The following CHAMP1 variants were observed in gnomAD, a reference collection of about 807,000 sequenced individuals.
The protein encoded by CHAMP1 is chromosome alignment maintaining phosphoprotein 1.
A neutral mutation model predicts 54.5 loss-of-function variants in CHAMP1; 4 were observed. The ratio of observed to expected loss-of-function variants is 0.07; its 90% CI spans 0.04 to 0.17. The LOEUF (loss-of-function observed/expected upper bound fraction) is 0.17. CHAMP1 is among the 10% of genes least tolerant of loss of function. The pLI, the probability that CHAMP1 is intolerant of heterozygous loss-of-function variation, is 1.00. For missense variants in CHAMP1, 994 were observed against 968.6 expected (o/e 1.03, Z -0.35); for synonymous variants, 368 against 342.2 (o/e 1.08, Z -0.83).
At chr13:114,315,537 G>A (rs998393134) in intron 1 of CHAMP1, among the ~76,000 whole-genome samples, 2 of 152,196 alleles carry the variant, frequency 1.3e-5, no homozygotes, top group Non-Finnish European at 2.9e-5. Flanking sequence ...AGAAAGGAAT[G>A]AAATTCTGAT....
In CHAMP1 at chr13:114,324,618, C is replaced by T; in HGVS notation, c.776C>T (p.Pro259Leu). The T allele has an allele frequency of 6.2e-7, 1 of 1,614,112 alleles. No individual in the cohort carries two copies. The highest frequency in any genetic ancestry group is 8.5e-7 in the Non-Finnish European group (1 of 1,180,028). Residue 259 changes from proline to leucine, a missense_variant, in exon 3 of 3, where the codon CCA (proline) becomes CTA (leucine). By Grantham distance (98) the Pro-to-Leu change is moderately conservative. This residue lies in a region of CHAMP1 where 851 missense variants were observed against 701.3 expected (regional missense o/e 1.21). Transcript: ENST00000361283. The part of the protein sequence containing the change: ...VLAASPEPWG[P>L]SPAASPESRK... ...GCTGCTTCCCCAGAACCTTGGGGACCATCCCCAGCTGCATCTCCAGAATCT... is the reference window on the plus strand; with the variant it reads ...GCTGCTTCCCCAGAACCTTGGGGACTATCCCCAGCTGCATCTCCAGAATCT...
chr13:114,320,274 AT>A (rs1306734670), intron 1 of CHAMP1, among the ~76,000 whole-genome samples: 2 of 152,136 alleles, frequency 1.3e-5, no homozygotes, highest in Non-Finnish European at 2.9e-5. Flanking sequence ...TTTGAAATGC[AT>A]GCAGGAAGAG....
At position 114,326,104 on chromosome 13, in the gene CHAMP1, A is replaced by T. The variant is rs2087247323; in HGVS notation, c.2262A>T (p.Lys754Asn). ...GKAFLLESLL[K>N]NHVAAHGQSL... ...CTTTTCTTTTGGAATCTCTCCTTAA[A>T]AATCATGTAGCAGCCCATGGGCAAA... The change falls in exon 3 of 3, where the codon AAA (lysine) becomes AAT (asparagine). Residue 754 changes from lysine (K) to asparagine (N), a missense_variant. Lys to Asn is a moderately conservative substitution (Grantham distance 94). Transcript: ENST00000361283. 6.2e-7 allele frequency: 1 copy of T among 1,612,582 alleles called. No homozygotes were observed. The highest frequency in any genetic ancestry group is 8.5e-7 in the Non-Finnish European group (1 of 1,179,296).
intron 1 of CHAMP1, among the ~76,000 whole-genome samples, chr13:114,315,778 G>T (rs2087089686): frequency 6.6e-6 from 1 of 151,320 alleles, no homozygotes; most frequent in Non-Finnish European, 1.5e-5. Flanking sequence ...TTTGCACAAC[G>T]TTTTAGTACT....
At chr13:114,319,635 A>G (rs753051212) in intron 1 of CHAMP1, among the ~76,000 whole-genome samples, 5 of 152,218 alleles carry the variant, frequency 3.3e-5, no homozygotes, top group Non-Finnish European at 7.3e-5. Context: ...AAACATTTAT[A>G]TGGAGGGCAG....
At position 114,326,308 on chromosome 13, in the gene CHAMP1, A is replaced by C; in HGVS notation, c.*27A>C. The C allele has an allele frequency of 6.5e-7, 1 of 1,536,874 alleles. No individual in the cohort carries two copies. Among genetic ancestry groups the C allele is most frequent in the Non-Finnish European group, 8.7e-7 (1 of 1,146,308 alleles). ...AACACAGTGTGAATATTTGTTCTAC[A>C]AAGGTGTTTGTTGGAACCATTCTTT... On this transcript the variant is annotated 3_prime_UTR_variant, in exon 3 of 3. Coordinates refer to ENST00000361283, the MANE Select transcript of CHAMP1 (RefSeq NM_032436.4).
chr13:114,317,498 C>G (rs987515301), intron 1 of CHAMP1, among the ~76,000 whole-genome samples: 1 of 151,990 alleles, frequency 6.6e-6, no homozygotes, highest in East Asian at 1.9e-4. Context: ...GTGGCAGGTA[C>G]CTATGGTCCC....
At chr13:114,318,523 C>T (rs1335948199) in intron 1 of CHAMP1, among the ~76,000 whole-genome samples, 6 of 151,954 alleles carry the variant, frequency 3.9e-5, no homozygotes, top group South Asian at 2.1e-4. Context: ...GGGGTTTCGC[C>T]GTGTTGCCCA....
In CHAMP1 at chr13:114,325,987, C is replaced by T; in HGVS notation, c.2145C>T (p.Cys715=). The change falls in exon 3 of 3, where the codon TGC becomes TGT. Residue 715 remains cysteine (C), a synonymous_variant. Transcript: ENST00000361283. ...GKGKYYCKIC[C]CRAMKKGAVL... is the part of the protein sequence containing the mutation. Reference sequence around the variant, plus strand: ...GAAAGTATTATTGCAAAATTTGTTGCTGTCGTGCTATGAAAAAAGGTGCTG... The same window carrying T: ...GAAAGTATTATTGCAAAATTTGTTGTTGTCGTGCTATGAAAAAAGGTGCTG... 6.2e-7 allele frequency: 1 copy of T among 1,614,150 alleles called. No individual in the cohort carries two copies. The highest frequency in any genetic ancestry group is 8.5e-7 in the Non-Finnish European group (1 of 1,180,030).
chr13:114,325,734 TTAGTAG>T lies in CHAMP1; in HGVS notation c.1897_1902del (p.Ser633_Ser634del). ...AACCAAGAGAGCTCAGACGCTGAGCTTAGTAGTAGTGAGTACATAAAAACAGATTTG... is the reference window on the plus strand; with the variant it reads ...AACCAAGAGAGCTCAGACGCTGAGCTTAGTGAGTACATAAAAACAGATTTG... On this transcript the variant is annotated inframe_deletion, in exon 3 of 3. Coordinates refer to ENST00000361283, the MANE Select transcript of CHAMP1 (RefSeq NM_032436.4). 6.2e-7 allele frequency: 1 copy of T among 1,614,162 alleles called. No individual in the cohort carries two copies. The highest frequency in any genetic ancestry group is 8.5e-7 in the Non-Finnish European group (1 of 1,180,038).
At chr13:114,315,056 A>G (rs2087078030) in intron 1 of CHAMP1, among the ~76,000 whole-genome samples, 1 of 152,252 alleles carries the variant, frequency 6.6e-6, no homozygotes. Flanking sequence ...TAATGTCTAG[A>G]ATACAAGAAG....
rs781883119 is a variant in CHAMP1, at chr13:114,324,078, A to T, written c.236A>T (p.Tyr79Phe). Residue 79 changes from tyrosine to phenylalanine, a missense_variant, in exon 3 of 3, where the codon TAT becomes TTT. Transcript: ENST00000361283. ...FTSKMYSNVY[Y>F]HITSKHASPD... ...AGCAAGATGTACTCTAATGTATACT[A>T]TCACATCACATCCAAACATGCATCC... The T allele has an allele frequency of 1.2e-6, 2 of 1,614,238 alleles. No homozygotes were observed. Among genetic ancestry groups the T allele is most frequent in the Non-Finnish European group, 1.7e-6 (2 of 1,180,046 alleles).
In CHAMP1 at chr13:114,324,437, C is replaced by G. The variant is rs957871537; in HGVS notation, c.595C>G (p.Leu199Val). 5.6e-6 allele frequency: 9 copies of G among 1,614,074 alleles called. No homozygotes were observed. Among genetic ancestry groups the G allele is most frequent in the Non-Finnish European group, 7.6e-6 (9 of 1,180,042 alleles). ...AGTCCCTGTTTGTGAGTCTCAGAAACTTGCCCCTGTTCCTTCTCCAGAACC... is the reference window on the plus strand; with the variant it reads ...AGTCCCTGTTTGTGAGTCTCAGAAAGTTGCCCCTGTTCCTTCTCCAGAACC... ...KSVPVCESQKLAPVPSPEPQK... is the reference protein window; with the variant it reads ...KSVPVCESQKVAPVPSPEPQK... Residue 199 changes from leucine (L) to valine (V), a missense_variant, in exon 3 of 3, where the codon CTT becomes GTT. Leu to Val is a conservative substitution (Grantham distance 32). Coordinates refer to ENST00000361283, the MANE Select transcript of CHAMP1 (RefSeq NM_032436.4).
intron 1 of CHAMP1, among the ~76,000 whole-genome samples, chr13:114,318,857 C>CTTTTTTTTTTTTT (rs56669844): frequency 3.3e-4 from 8 of 24,192 alleles, no homozygotes; most frequent in South Asian, 1.6e-3. Context: ...TCCTGGTTGC[C>CTTTTTTTTTTTTT]TTTTTTTTTT....
rs1131691845 is a variant in CHAMP1 at position 114,324,245 on chromosome 13, C to G, written c.403C>G (p.Gln135Glu). 1 of 1,614,168 alleles carries G rather than the reference C, an allele frequency of 6.2e-7. No individual in the cohort carries two copies. The highest frequency in any genetic ancestry group is 8.5e-7 in the Non-Finnish European group (1 of 1,180,036). Reference sequence around the variant, plus strand: ...CATACCTGCCCTTTCAATGGAAACACAGAAACTTGGTTCAGTTTTGTCTCC... The same window carrying G: ...CATACCTGCCCTTTCAATGGAAACAGAGAAACTTGGTTCAGTTTTGTCTCC... ...KSIPALSMETQKLGSVLSPES... is the reference protein window; with the variant it reads ...KSIPALSMETEKLGSVLSPES... The change falls in exon 3 of 3, where the codon CAG becomes GAG. Residue 135 changes from glutamine to glutamate, a missense_variant. This residue lies in a region of CHAMP1 where 851 missense variants were observed against 701.3 expected (regional missense o/e 1.21). Transcript: ENST00000361283.
intron 1 of CHAMP1, among the ~76,000 whole-genome samples, chr13:114,320,846 C>G (rs1305191480): frequency 2.0e-5 from 3 of 151,956 alleles, no homozygotes; most frequent in African/African-American, 7.3e-5. Flanking sequence ...GTCCCAGCTA[C>G]TCAGGAGGCT....
At position 114,325,064 on chromosome 13, in the gene CHAMP1, C is replaced by A; in HGVS notation, c.1222C>A (p.His408Asn). ...RKTAPTLSPE[H>N]WKAVPPVSPE... ...GACAGCTCCCACGTTGTCTCCTGAA[C>A]ATTGGAAGGCAGTTCCCCCAGTGTC... The change falls in exon 3 of 3, where the codon CAT (histidine) becomes AAT (asparagine). Residue 408 changes from histidine (H) to asparagine (N), a missense_variant. Around this residue, in one of 3 missense-constraint regions of CHAMP1, gnomAD observed 851 missense variants for 701.3 expected, o/e 1.21. Transcript: ENST00000361283. The A allele has an allele frequency of 6.2e-7, 1 of 1,614,166 alleles. No homozygotes were observed. The highest frequency in any genetic ancestry group is 8.5e-7 in the Non-Finnish European group (1 of 1,180,038).
At chr13:114,316,589 CA>C (rs200610532) in intron 1 of CHAMP1, among the ~76,000 whole-genome samples, 7 of 148,806 alleles carry the variant, frequency 4.7e-5, no homozygotes, top group African/African-American at 1.5e-4. Flanking sequence ...GACTCCCTCT[CA>C]AAAAAAAATA....
rs1236317253 is a variant in CHAMP1 at position 114,314,662 on chromosome 13, C to A, written c.-179+19C>A. The stretch of plus-strand genomic sequence containing the variant: ...CGGACCGGTGAGGAGCGAGAGCGAG[C>A]GGGGGAGGGGCGTGGTTGGGGCCTG... On this transcript the variant is annotated intron_variant, in intron 1 of 2. Transcript: ENST00000361283. 6.6e-6 allele frequency: 1 copy of A among 152,072 alleles called. No individual in the cohort carries two copies. The highest frequency in any genetic ancestry group is 2.4e-5 in the African/African-American group (1 of 41,404). 9.4% of individuals were successfully genotyped at this position (152,072 alleles called of 1,614,324 possible). A position where few individuals can be genotyped will look rare whatever the true frequency, so the allele number is the denominator to read the frequency against.
Sources: gnomAD v4.1 joint callset for allele counts (sites outside exome capture counted in the v4.1 genomes callset) on GRCh38, gnomAD v4.1.1 for gene constraint, gnomAD v4.1.1 regional missense constraint, MANE v1.5 for transcripts, NCBI Gene and HGNC (gene_info 2026-07-23, HGNC 2026-07-21) for gene names.